BCAT1: variants seen among roughly 807,000 people sequenced by gnomAD.
The protein encoded by BCAT1 is branched chain amino acid transaminase 1.
In BCAT1, 48 loss-of-function variants were observed where a neutral mutation model predicts 52.4. The ratio of observed to expected loss-of-function variants is 0.92; its 90% CI spans 0.73 to 1.16. BCAT1 has a LOEUF of 1.16. Among genes scored for constraint, BCAT1 ranks in the 50% most tolerant of loss-of-function variants. The pLI is 0.00. For missense variants in BCAT1, 451 were observed against 457.1 expected (o/e 0.99, Z 0.12); for synonymous variants, 167 against 161.3 (o/e 1.04, Z -0.27).
chr12:24,847,584 C>T (rs963137043), intron 6 of BCAT1, among the ~76,000 whole-genome samples: 5 of 151,902 alleles, frequency 3.3e-5, no homozygotes, highest in African/African-American at 9.7e-5. Context: ...TGTGTGTGCA[C>T]GTGTGCATGT....
Position 24,829,905 on chromosome 12 carries a change from A to G in BCAT1, c.1045-8T>C. On this transcript the variant is annotated splice_polypyrimidine_tract_variant and splice_region_variant and intron_variant, in intron 9 of 10. Transcript: ENST00000261192. ...AGTTGGAATGTGTATTGTCTACAAA[A>G]GAAAGGGAAATGAGATAATTTGAGG... The G allele has an allele frequency of 6.3e-7, 1 of 1,596,772 alleles. No homozygotes were observed. The highest frequency in any genetic ancestry group is 1.1e-5 in the South Asian group (1 of 88,218).
chr12:24,822,940 T>A (rs567583428), intron 10 of BCAT1, among the ~76,000 whole-genome samples: 12 of 152,154 alleles, frequency 7.9e-5, no homozygotes, highest in African/African-American at 2.9e-4. Context: ...GGAGAAAAGG[T>A]TTTTTCCCCG....
At chr12:24,821,619 G>A (rs191581112) in intron 10 of BCAT1, among the ~76,000 whole-genome samples, 1 of 152,274 alleles carries the variant, frequency 6.6e-6, no homozygotes, top group East Asian at 1.9e-4. Flanking sequence ...TTTAGTATTT[G>A]TTTGGTGTTT....
At chr12:24,840,316 T>C (rs1284000722) in intron 7 of BCAT1, among the ~76,000 whole-genome samples, 2 of 152,118 alleles carry the variant, frequency 1.3e-5, no homozygotes, top group African/African-American at 2.4e-5. Flanking sequence ...TTTTGAGCTG[T>C]GTGGTTTTTT....
At chr12:24,850,205 T>C (rs1297456663) in intron 5 of BCAT1, among the ~76,000 whole-genome samples, 2 of 152,236 alleles carry the variant, frequency 1.3e-5, no homozygotes, top group Admixed American at 1.3e-4. Context: ...TGTCCATTTT[T>C]GCGTGTTAGT....
chr12:24,909,173 A>G (rs1369526633), intron 1 of BCAT1, among the ~76,000 whole-genome samples: 1 of 152,154 alleles, frequency 6.6e-6, no homozygotes, highest in African/African-American at 2.4e-5. Context: ...TGTTTGTTTA[A>G]TAAAGTTTCT....
chr12:24,935,422 T>C (rs942149871), intron 1 of BCAT1, among the ~76,000 whole-genome samples: 5 of 151,918 alleles, frequency 3.3e-5, no homozygotes, highest in African/African-American at 1.2e-4. Flanking sequence ...AATCAACTCA[T>C]TCCTCTCTAT....
At chr12:24,911,796 C>T (rs1018345212) in intron 1 of BCAT1, among the ~76,000 whole-genome samples, 1 of 152,106 alleles carries the variant, frequency 6.6e-6, no homozygotes, top group African/African-American at 2.4e-5. Context: ...CTCCAGGTAC[C>T]TTAAAAAGGA....
chr12:24,946,246 T>C (rs1943931443), intron 1 of BCAT1, among the ~76,000 whole-genome samples: 2 of 152,210 alleles, frequency 1.3e-5, no homozygotes, highest in African/African-American at 4.8e-5. Context: ...TTCCAGCTGT[T>C]TACTTCCCTA....
chr12:24,851,257 G>C (rs1941502719), intron 5 of BCAT1, among the ~76,000 whole-genome samples: 1 of 152,130 alleles, frequency 6.6e-6, no homozygotes, highest in Non-Finnish European at 1.5e-5. Context: ...ATAGGAATGG[G>C]GATCTGTCAG....
chr12:24,902,695 C>G (rs1166680947), intron 1 of BCAT1: 2 of 558,114 alleles, frequency 3.6e-6, no homozygotes, highest in East Asian at 3.6e-5. Context: ...CGCCACGCTC[C>G]GGAGCGGGTT....
In BCAT1 at chr12:24,836,963, A is replaced by AAAC. The variant is rs1555102974; in HGVS notation, c.818-368_818-367insGTT. Among the ~76,000 whole-genome samples, 969 of 104,682 alleles carry AAAC rather than the reference A, an allele frequency of 9.3e-3. 38 individuals are homozygous for AAAC. The highest frequency in any genetic ancestry group is 0.034 in the Middle Eastern group (6 of 178). 68.7% of individuals were successfully genotyped at this position (104,682 alleles called of 152,430 possible). A position where few individuals can be genotyped will look rare whatever the true frequency, so the allele number is the denominator to read the frequency against. On this transcript the variant is annotated intron_variant, in intron 7 of 10. Coordinates refer to ENST00000261192, the MANE Select transcript of BCAT1 (RefSeq NM_005504.7). ...GAAAGAAAGAAAGAAAGAAAAGAGAAAGAAAGAAAGAGAGAGAGGGAGGGA... is the reference window on the plus strand; with the variant it reads ...GAAAGAAAGAAAGAAAGAAAAGAGAAAACAGAAAGAAAGAGAGAGAGGGAGGGA...
intron 3 of BCAT1, among the ~76,000 whole-genome samples, chr12:24,893,957 TAAG>T (rs1459229373): frequency 6.6e-6 from 1 of 152,236 alleles, no homozygotes; most frequent in African/African-American, 2.4e-5. Context: ...TTAGAAGATC[TAAG>T]AAGAAAGGTG....
At chr12:24,930,545 T>C (rs779868237) in intron 1 of BCAT1, among the ~76,000 whole-genome samples, 16 of 152,156 alleles carry the variant, frequency 1.1e-4, no homozygotes, top group Non-Finnish European at 2.4e-4. Context: ...AAGTCAAGTG[T>C]TCGCAAGCTA....
intron 2 of BCAT1, among the ~76,000 whole-genome samples, chr12:24,895,164 G>A (rs964343386): frequency 2.6e-5 from 4 of 152,132 alleles, no homozygotes; most frequent in Non-Finnish European, 2.9e-5. Context: ...ACCAGCTCCC[G>A]ACATAGCCAG....
chr12:24,947,442 G>A (rs1943947800), intron 1 of BCAT1, among the ~76,000 whole-genome samples: 1 of 152,186 alleles, frequency 6.6e-6, no homozygotes, highest in African/African-American at 2.4e-5. Flanking sequence ...AAGATGCCAT[G>A]TGCAAATAAC....
At chr12:24,902,932 C>G (rs1188168076) in intron 1 of BCAT1, 1 of 1,511,420 alleles carries the variant, frequency 6.6e-7, no homozygotes, top group Middle Eastern at 1.7e-4. Context: ...CCGCAAACGC[C>G]CGGGTTCGAG....
rs141354637 is a variant in BCAT1 at position 24,876,003 on chromosome 12, C to A, written c.510+2527G>T. On this transcript the variant is annotated intron_variant, in intron 5 of 10. Coordinates refer to ENST00000261192, the MANE Select transcript of BCAT1 (RefSeq NM_005504.7). ...TATCCTATCTTAAATGTGCTCAGAA[C>A]AATTACATTAGCCTATGGTAGGGCA... Among the ~76,000 whole-genome samples the A allele has an allele frequency of 3.3e-3, 507 of 152,120 alleles. 3 individuals carry two copies. Among genetic ancestry groups the A allele is most frequent in the African/African-American group, 0.011 (449 of 41,498 alleles).
In BCAT1 at chr12:24,836,578, G is replaced by T; in HGVS notation, c.836C>A (p.Pro279His). The T allele has an allele frequency of 6.2e-7, 1 of 1,612,228 alleles. No homozygotes were observed. The highest frequency in any genetic ancestry group is 8.5e-7 in the Non-Finnish European group (1 of 1,179,168). ...NEDGEEELATPPLDGIILPGV... is the reference protein window; with the variant it reads ...NEDGEEELATHPLDGIILPGV... ...TGGAAGAATGATGCCATCTAGTGGA[G>T]GAGTTGCCAGTTCTTCTTCTGTCAA... The change falls in exon 8 of 11, where the codon CCT (proline) becomes CAT (histidine). Residue 279 changes from proline (P) to histidine (H), a missense_variant. Transcript: ENST00000261192.
Sources: gnomAD v4.1 joint callset for allele counts (sites outside exome capture counted in the v4.1 genomes callset) on GRCh38, gnomAD v4.1.1 for gene constraint, MANE v1.5 for transcripts, NCBI Gene and HGNC (gene_info 2026-07-23, HGNC 2026-07-21) for gene names.